The following PAX6 variants were observed in gnomAD, a reference collection of about 807,000 sequenced individuals.
PAX6 encodes paired box 6.
Under a neutral mutation model 60.7 loss-of-function variants are expected in PAX6, and 7 were observed. The ratio of observed to expected loss-of-function variants is 0.12; its 90% CI spans 0.07 to 0.22. PAX6 has a LOEUF of 0.22. Among genes scored for constraint, PAX6 ranks in the 10% least tolerant of loss-of-function variants. The pLI, the probability that PAX6 is intolerant of heterozygous loss-of-function variation, is 1.00. For missense variants in PAX6, 355 were observed against 555.2 expected, an observed-to-expected ratio of 0.64 and a Z score of 3.62; for synonymous variants, 208 against 201.2, an observed-to-expected ratio of 1.03 and a Z score of -0.29.
intron 2 of PAX6, chr11:31,810,179 T>A (rs1956752122): frequency 6.6e-6 from 1 of 152,412 alleles, no homozygotes; most frequent in Non-Finnish European, 1.5e-5. Flanking sequence ...AGCGTGCGGC[T>A]GCCTTGCCGA....
intron 8 of PAX6, 51 bp from the exon 9 acceptor site, chr11:31,794,839 C>T: frequency 6.4e-7 from 1 of 1,571,086 alleles, no homozygotes; most frequent in Non-Finnish European, 8.8e-7. Flanking sequence ...AACTTGGAGC[C>T]TCCAAAAGGG....
At chr11:31,797,507 GAA>G (rs36004875) in intron 8 of PAX6, among the ~76,000 whole-genome samples, 2,422 of 101,368 alleles carry the variant, frequency 0.024, 84 homozygotes, top group African/African-American at 0.087. Context: ...TTTAAATCTG[GAA>G]AAAAAAAAAA....
At chr11:31,798,585 C>A (rs1952443984) in intron 8 of PAX6, among the ~76,000 whole-genome samples, 1 of 152,150 alleles carries the variant, frequency 6.6e-6, no homozygotes, top group African/African-American at 2.4e-5. Context: ...TCGTTTGGCC[C>A]ACGTGTCCTC....
intron 13 of PAX6, chr11:31,790,404 A>G: frequency 7.7e-7 from 1 of 1,291,934 alleles, no homozygotes; most frequent in Non-Finnish European, 9.9e-7. Flanking sequence ...GCACGCACCT[A>G]CAGCTCAGTG....
intron 1 of PAX6, among the ~76,000 whole-genome samples, chr11:31,817,471 C>A (rs1957433245): frequency 1.3e-5 from 2 of 152,256 alleles, no homozygotes; most frequent in Admixed American, 1.3e-4. Context: ...TCCCCACCTC[C>A]TGCATTTTTC....
chr11:31,794,934 A>T lies in PAX6; in HGVS notation c.566-146T>A, dbSNP rs73477666. 1.9e-3 allele frequency: 1,421 copies of T among 740,672 alleles called. 18 individuals are homozygous for T. The African/African-American group carries it at 0.022, about 12-fold the overall frequency. 45.9% of individuals were successfully genotyped at this position (740,672 alleles called of 1,614,324 possible). On this transcript the variant is annotated intron_variant, in intron 8 of 13. Coordinates refer to ENST00000640368, the MANE Select transcript of PAX6 (RefSeq NM_001368894.2). ...CCAAGGTAACTGTCAGCCTTCTTTT[A>T]AAAAAATACATTTGCGATGTTAGTT...
chr11:31,816,808 G>A (rs1378628896), intron 1 of PAX6, among the ~76,000 whole-genome samples: 4 of 152,268 alleles, frequency 2.6e-5, no homozygotes, highest in African/African-American at 9.6e-5. Flanking sequence ...AGCGCGAGTG[G>A]GAGTGGGGGT....
At chr11:31,816,297 A>G (rs1433649898), upstream of PAX6, 2 of 429,912 alleles carry the variant, frequency 4.7e-6, no homozygotes, top group Non-Finnish European at 8.2e-6. Flanking sequence ...CCAGTCATCC[A>G]AATTCTATGA....
At chr11:31,800,891 T>G in intron 7 of PAX6, 35 bp from the exon 8 acceptor site, 1 of 1,608,962 alleles carries the variant, frequency 6.2e-7, no homozygotes, top group Non-Finnish European at 8.5e-7. Context: ...CAAATGGTAG[T>G]GTCTCCTGAA....
chr11:31,800,216 C>CCAAT (rs924059123), intron 8 of PAX6, among the ~76,000 whole-genome samples: 8 of 152,148 alleles, frequency 5.3e-5, no homozygotes, highest in African/African-American at 1.7e-4. Flanking sequence ...ATCCCCGACT[C>CCAAT]GCCCTGCATC....
chr11:31,806,301 C>T (rs1264574940), intron 4 of PAX6, 101 bp downstream of exon 4: 28 of 1,411,952 alleles, frequency 2.0e-5, no homozygotes, highest in Non-Finnish European at 3.9e-6. Flanking sequence ...AGTCGGTCGG[C>T]GGCCGGGCCA....
intron 12 of PAX6, chr11:31,792,401 T>C (rs910168193): frequency 2.6e-5 from 4 of 152,248 alleles, no homozygotes; most frequent in African/African-American, 9.6e-5. Context: ...GCTGCTCCTA[T>C]ATTAGTCTGA....
intron 8 of PAX6, 64 bp from the exon 9 acceptor site, chr11:31,794,852 C>A (rs554841897): frequency 6.7e-7 from 1 of 1,482,798 alleles, no homozygotes; most frequent in Non-Finnish European, 9.4e-7. Context: ...CAAAAGGGGC[C>A]TGGTGTAGTC....
At chr11:31,817,304 G>A (rs1252280399) in intron 1 of PAX6, among the ~76,000 whole-genome samples, 1 of 152,350 alleles carries the variant, frequency 6.6e-6, no homozygotes, top group East Asian at 1.9e-4. Context: ...ACTTTGTTGC[G>A]GTCCAGCCAT....
intron 9 of PAX6, 186 bp downstream of exon 9, chr11:31,794,423 CACACACACACACACACACACA>C (rs1565204624): frequency 0.017 from 53 of 3,104 alleles, no homozygotes; most frequent in Middle Eastern, 0.12. Flanking sequence ...ACACACACCA[CACACACACACACACACACACA>C]CACACACACA....
chr11:31,816,887 C>T (rs1050267319), intron 1 of PAX6, among the ~76,000 whole-genome samples: 1 of 152,258 alleles, frequency 6.6e-6, no homozygotes, highest in African/African-American at 2.4e-5. Flanking sequence ...GGTGCCCCGC[C>T]TAAGCCGGCC....
intron 2 of PAX6, chr11:31,810,608 C>T (rs1377288552): frequency 5.7e-6 from 2 of 352,202 alleles, no homozygotes; most frequent in Non-Finnish European, 1.0e-5. Flanking sequence ...CCGCCCCGAG[C>T]CCTGCGCCGC....
At chr11:31,801,274 T>G in intron 7 of PAX6, 1 of 1,394,248 alleles carries the variant, frequency 7.2e-7, no homozygotes, top group Non-Finnish European at 9.3e-7. Flanking sequence ...AGTTACAATC[T>G]GGTTCTCATT....
Position 31,794,652 on chromosome 11 carries a change from C to T in PAX6, c.702G>A (p.Glu234=), listed in dbSNP as rs755018027. The change falls in exon 9 of 14, where the codon GAG becomes GAA. Residue 234 remains glutamate (E), a synonymous_variant. Coordinates refer to ENST00000640368, the MANE Select transcript of PAX6 (RefSeq NM_001368894.2). ...CACCTTTCTCCAGGGCCTCAATTTG[C>T]TCTTGGGTAAAGGATGTTCTATTTC... ...LQRNRTSFTQ[E]QIEALEKEFE... The T allele has an allele frequency of 1.7e-5, 27 of 1,614,072 alleles. No individual in the cohort carries two copies. Among genetic ancestry groups the T allele is most frequent in the African/African-American group, 2.7e-5 (2 of 74,910 alleles).
Sources: gnomAD v4.1 joint callset for allele counts (sites outside exome capture counted in the v4.1 genomes callset) on GRCh38, gnomAD v4.1.1 for gene constraint, MANE v1.5 for transcripts, NCBI Gene and HGNC (gene_info 2026-07-23, HGNC 2026-07-21) for gene names.